Variants in PCDHGB1 observed in about 807,000 individuals in gnomAD.
PCDHGB1 encodes protocadherin gamma-B1.
A neutral mutation model predicts 56.6 loss-of-function variants in PCDHGB1; 34 were observed. That is an observed-to-expected ratio of 0.60 (90% CI 0.46 to 0.80). The LOEUF (loss-of-function observed/expected upper bound fraction) is 0.80, where lower values mean the gene tolerates loss of function less well. Among genes scored for constraint, PCDHGB1 ranks in the 30% least tolerant of loss-of-function variants. PCDHGB1 has a pLI of 0.00. For missense variants in PCDHGB1, 1,278 were observed against 1,204.6 expected, an observed-to-expected ratio of 1.06 and a Z score of -0.90; for synonymous variants, 561 against 505.9, an observed-to-expected ratio of 1.11 and a Z score of -1.46.
rs189127761 is a variant in PCDHGB1 at position 141,385,037 on chromosome 5, C to A, written c.2409+32368C>A. Reference sequence around the variant, plus strand: ...CTAGCCTTCGTCCTCGTACTGCTGGCGCTCAGGCTGCGGCGCTGGCACAAG... The same window carrying A: ...CTAGCCTTCGTCCTCGTACTGCTGGAGCTCAGGCTGCGGCGCTGGCACAAG... On this transcript the variant is annotated intron_variant, in intron 1 of 3. Transcript: ENST00000523390. The A allele has an allele frequency of 5.8e-5, 93 of 1,614,148 alleles. No individual in the cohort carries two copies. In the East Asian group the frequency reaches 1.7e-3, roughly 30 times the overall value.
chr5:141,360,028 A>G (rs941098912), intron 1 of PCDHGB1: 3 of 1,360,158 alleles, frequency 2.2e-6, no homozygotes, highest in Non-Finnish European at 2.9e-6. Context: ...AGGCCAGTAT[A>G]GATTCGGAAA....
At chr5:141,427,153 T>C (rs2096993361) in intron 1 of PCDHGB1, 1 of 456,886 alleles carries the variant, frequency 2.2e-6, no homozygotes, top group Non-Finnish European at 4.4e-6. Context: ...GGAAATATGT[T>C]TGTGCTAGAC....
intron 1 of PCDHGB1, among the ~76,000 whole-genome samples, chr5:141,444,152 ATTTTTTTTTTTT>A (rs747671382): frequency 5.9e-4 from 20 of 33,896 alleles, no homozygotes; most frequent in African/African-American, 1.8e-3. Flanking sequence ...TGTGTACTGG[ATTTTTTTTTTTT>A]TTTTTTTTTT....
At chr5:141,458,987 C>A (rs2098958554) in intron 1 of PCDHGB1, among the ~76,000 whole-genome samples, 1 of 152,168 alleles carries the variant, frequency 6.6e-6, no homozygotes, top group Non-Finnish European at 1.5e-5. Context: ...CCTGCCTCAC[C>A]CTCCCAAAGT....
intron 1 of PCDHGB1, chr5:141,396,593 C>T (rs940440050): frequency 6.0e-5 from 9 of 151,044 alleles, no homozygotes; most frequent in Non-Finnish European, 1.2e-4. Flanking sequence ...GCACTCCAGC[C>T]TGGGCAACAG....
At position 141,489,078 on chromosome 5, in the gene PCDHGB1, G is replaced by A. The variant is rs990356560; in HGVS notation, c.2410-5729G>A. ...GCTCCCCTCCCCCCTGCCCACCCCC[G>A]CCACTCGGTGACTAAGAACTGCTGC... On this transcript the variant is annotated intron_variant, in intron 1 of 3. Transcript: ENST00000523390. The surrounding 1 kb of genome is among the most constrained non-coding windows in gnomAD (Gnocchi z 4.5). 6.9e-5 allele frequency: 11 copies of A among 160,224 alleles called. 1 individual carries two copies. Among genetic ancestry groups the A allele is most frequent in the Admixed American group, 3.7e-4 (4 of 10,708 alleles). The allele number at this position is 160,224 out of a possible 1,614,324, so 9.9% of individuals were successfully genotyped here.
rs770759647 is a variant in PCDHGB1 at position 141,393,173 on chromosome 5, A to C, written c.2409+40504A>C. 38 of 1,613,150 alleles carry C rather than the reference A, an allele frequency of 2.4e-5. No homozygotes were observed. Among genetic ancestry groups the C allele is most frequent in the Non-Finnish European group, 3.2e-5 (38 of 1,179,886 alleles). ...ATAAAGGAAAACTCTTTGGGGTAGA[A>C]ATAGAAATAATTGATATTAACGATA... On this transcript the variant is annotated intron_variant, in intron 1 of 3. Coordinates refer to ENST00000523390, the MANE Select transcript of PCDHGB1 (RefSeq NM_018922.3).
chr5:141,422,587 CCTCA>C, intron 1 of PCDHGB1: 1 of 1,614,032 alleles, frequency 6.2e-7, no homozygotes, highest in Non-Finnish European at 8.5e-7. Context: ...TCCCGTTTTT[CCTCA>C]CTCCTCTTAC....
rs766164142 is a variant in PCDHGB1, at chr5:141,477,910, G to A, written c.2410-16897G>A. On this transcript the variant is annotated intron_variant, in intron 1 of 3. Transcript: ENST00000523390. The surrounding 1 kb of genome is among the most constrained non-coding windows in gnomAD (Gnocchi z 4.9). ...TGTCACGGGTGGTAGGCTGGGACGC[G>A]GATGCAGGGCACAATGCCTGGCTCT... 6.2e-7 allele frequency: 1 copy of A among 1,614,166 alleles called. No individual in the cohort carries two copies. Among genetic ancestry groups the A allele is most frequent in the Admixed American group, 1.7e-5 (1 of 60,020 alleles).
chr5:141,410,685 A>G, intron 1 of PCDHGB1: 1 of 1,528,540 alleles, frequency 6.5e-7, no homozygotes, highest in Non-Finnish European at 8.7e-7. Flanking sequence ...TTTTAGGCAT[A>G]CTACTTTATT....
intron 1 of PCDHGB1, chr5:141,430,816 C>G: frequency 6.5e-7 from 1 of 1,538,128 alleles, no homozygotes. Context: ...TGGGAATCCT[C>G]CTGGGGACTC....
chr5:141,393,268 A>C, intron 1 of PCDHGB1: 1 of 1,613,946 alleles, frequency 6.2e-7, no homozygotes, highest in South Asian at 1.1e-5. Flanking sequence ...GGAGCACGTT[A>C]TCCACTCCCA....
chr5:141,371,543 A>T, intron 1 of PCDHGB1: 1 of 1,613,812 alleles, frequency 6.2e-7, no homozygotes, highest in Non-Finnish European at 8.5e-7. Context: ...GAGAAATCCT[A>T]TGCCAACTAA....
At chr5:141,415,736 TAAGG>T (rs2095905512) in intron 1 of PCDHGB1, 1 of 1,289,864 alleles carries the variant, frequency 7.8e-7, no homozygotes, top group Admixed American at 3.4e-5. Flanking sequence ...TGATGTTTAT[TAAGG>T]TTTTTTTTTT....
chr5:141,371,489 C>G (rs548103153), intron 1 of PCDHGB1: 1 of 1,613,918 alleles, frequency 6.2e-7, no homozygotes, highest in Non-Finnish European at 8.5e-7. Context: ...TGGGGACTGC[C>G]GTTGCCCTGA....
rs1404447940 is a variant in PCDHGB1 at position 141,428,036 on chromosome 5, C to T, written c.2410-66771C>T. On this transcript the variant is annotated intron_variant, in intron 1 of 3. Transcript: ENST00000523390. ...TGCCACGCGCCGCAGAGTCCGGCTA[C>T]CTGGTGACCAAGGTGGTGGCGGTGG... The T allele has an allele frequency of 3.7e-6, 6 of 1,608,246 alleles. No homozygotes were observed. The African/African-American group carries it at 4.0e-5, about 11-fold the overall frequency.
At chr5:141,371,906 C>G in intron 1 of PCDHGB1, 1 of 1,613,406 alleles carries the variant, frequency 6.2e-7, no homozygotes, top group Non-Finnish European at 8.5e-7. Flanking sequence ...TGTCGTCCTA[C>G]GTGTCCGTGA....
chr5:141,489,151 A>G lies in PCDHGB1; in HGVS notation c.2410-5656A>G. On this transcript the variant is annotated intron_variant, in intron 1 of 3. Transcript: ENST00000523390. This position sits in a 1 kb window ranked among gnomAD's most constrained non-coding sequence, Gnocchi z 4.5. ...TTTTTAAGAGGCTGGAAGGAGACAT[A>G]AGAGACTTCAGCTGCTGCATTCCAA... is the stretch of plus-strand genomic sequence containing the variant. The G allele has an allele frequency of 4.3e-6, 4 of 932,968 alleles. No individual in the cohort carries two copies. Among genetic ancestry groups the G allele is most frequent in the Non-Finnish European group, 6.4e-6 (4 of 622,052 alleles). 57.8% of individuals were successfully genotyped at this position (932,968 alleles called of 1,614,324 possible).
intron 1 of PCDHGB1, chr5:141,366,561 A>G (rs903477065): frequency 3.1e-6 from 5 of 1,614,210 alleles, no homozygotes; most frequent in Admixed American, 1.7e-5. Context: ...GTGGGCGTGG[A>G]TGGGGTTCGG....
Sources: gnomAD v4.1 joint callset for allele counts (sites outside exome capture counted in the v4.1 genomes callset) on GRCh38, gnomAD v4.1.1 for gene constraint, Gnocchi (gnomAD v3.1) non-coding constraint, MANE v1.5 for transcripts, NCBI Gene and HGNC (gene_info 2026-07-23, HGNC 2026-07-21) for gene names.